The following XRCC2 variants were observed in gnomAD, a reference collection of about 807,000 sequenced individuals.
XRCC2 encodes the protein DNA repair protein XRCC2.
A neutral mutation model predicts 27.3 loss-of-function variants in XRCC2; 24 were observed. That is an observed-to-expected ratio of 0.88 (90% CI 0.64 to 1.24). XRCC2 has a LOEUF of 1.24. Ranked by LOEUF, XRCC2 falls within the 50% of genes most tolerant of loss-of-function variation. The pLI, the probability that XRCC2 is intolerant of heterozygous loss-of-function variation, is 0.00. For missense variants in XRCC2, 321 were observed against 325.8 expected, an observed-to-expected ratio of 0.99 and a Z score of 0.11; for synonymous variants, 106 against 115.4, an observed-to-expected ratio of 0.92 and a Z score of 0.52.
chr7:152,672,139 GT>G (rs1259221708), intron 1 of XRCC2, among the ~76,000 whole-genome samples: 5 of 152,192 alleles, frequency 3.3e-5, no homozygotes, highest in Non-Finnish European at 7.3e-5. Flanking sequence ...TAGACAGTTG[GT>G]TTTCACCATG....
chr7:152,674,725 T>TATATTTATATATAATATATTTTTAAAA (rs2098039806), intron 1 of XRCC2, among the ~76,000 whole-genome samples: 1 of 96,902 alleles, frequency 1.0e-5, no homozygotes, highest in African/African-American at 5.1e-5. Flanking sequence ...TATTTTTAAA[T>TATATTTATATATAATATATTTTTAAAA]ATATATTATA....
At chr7:152,662,468 A>C (rs539958131) in intron 1 of XRCC2, among the ~76,000 whole-genome samples, 1 of 151,766 alleles carries the variant, frequency 6.6e-6, no homozygotes, top group South Asian at 2.1e-4. Flanking sequence ...ACTGATTCTC[A>C]AGTTTCTTGG....
intron 1 of XRCC2, among the ~76,000 whole-genome samples, chr7:152,663,255 C>A (rs928475773): frequency 6.9e-6 from 1 of 144,620 alleles, no homozygotes; most frequent in African/African-American, 2.5e-5. Context: ...GTAATCAAGG[C>A]AGTGGTGTGG....
rs1284169525 is a variant in XRCC2 at position 152,646,633 on chromosome 7, T to C, written c.*2009A>G. The C allele has an allele frequency of 1.3e-5, 2 of 152,118 alleles. No individual in the cohort carries two copies. The highest frequency in any genetic ancestry group is 3.9e-4 in the East Asian group (2 of 5,194). The allele number at this position is 152,118 out of a possible 1,614,324, so 9.4% of individuals were successfully genotyped here. The stretch of plus-strand genomic sequence containing the variant: ...CTGGCACTACAGGCACGCACCACCA[T>C]GCCCAGCTAATTTTTTGTATTTTAA... On this transcript the variant is annotated 3_prime_UTR_variant, in exon 3 of 3. Coordinates refer to ENST00000359321, the MANE Select transcript of XRCC2 (RefSeq NM_005431.2).
chr7:152,654,463 T>G (rs2116993360), intron 2 of XRCC2, among the ~76,000 whole-genome samples: 1 of 151,792 alleles, frequency 6.6e-6, no homozygotes, highest in South Asian at 2.1e-4. Flanking sequence ...TTCAAGAAAA[T>G]GAAACTACTA....
chr7:152,651,563 A>G lies in XRCC2; in HGVS notation c.122-2200T>C, dbSNP rs564222953. The stretch of plus-strand genomic sequence containing the variant: ...GCCAAGACTGCACCAAATTTCCACC[A>G]TAATCTTACATACAACTTGCAATTC... On this transcript the variant is annotated intron_variant, in intron 2 of 2. Transcript: ENST00000359321. Among the ~76,000 whole-genome samples the G allele has an allele frequency of 3.3e-5, 5 of 152,290 alleles. No homozygotes were observed. The East Asian group carries it at 9.7e-4, about 29-fold the overall frequency.
At chr7:152,651,084 C>A (rs1056385125) in intron 2 of XRCC2, among the ~76,000 whole-genome samples, 12 of 151,652 alleles carry the variant, frequency 7.9e-5, no homozygotes, top group Non-Finnish European at 1.6e-4. Flanking sequence ...GGATTACAGG[C>A]GTGCGCTACC....
At chr7:152,673,981 T>C (rs753917169) in intron 1 of XRCC2, among the ~76,000 whole-genome samples, 20 of 152,204 alleles carry the variant, frequency 1.3e-4, no homozygotes, top group Non-Finnish European at 2.4e-4. Context: ...TCAAAGTAGA[T>C]GAATGTGCAA....
intron 2 of XRCC2, 144 bp from the exon 3 acceptor site, chr7:152,649,507 C>T: frequency 1.0e-6 from 1 of 996,334 alleles, no homozygotes; most frequent in Non-Finnish European, 1.4e-6. Context: ...TGGAGCTGTA[C>T]AAGCAAATAC....
At chr7:152,650,861 G>A (rs953115026) in intron 2 of XRCC2, among the ~76,000 whole-genome samples, 2 of 152,110 alleles carry the variant, frequency 1.3e-5, no homozygotes, top group African/African-American at 4.8e-5. Flanking sequence ...ACTCCAGCCT[G>A]GGCGACAAGA....
intron 2 of XRCC2, among the ~76,000 whole-genome samples, chr7:152,659,144 T>G (rs948856772): frequency 3.5e-5 from 5 of 141,888 alleles, no homozygotes; most frequent in Admixed American, 1.4e-4. Context: ...CTATTTCCTG[T>G]TTTTTTTTTG....
chr7:152,674,757 A>G (rs866509371), intron 1 of XRCC2, among the ~76,000 whole-genome samples: 3 of 120,772 alleles, frequency 2.5e-5, no homozygotes, highest in African/African-American at 3.0e-5. Flanking sequence ...TTTTAAATAT[A>G]TATTATATAT....
intron 1 of XRCC2, among the ~76,000 whole-genome samples, chr7:152,672,021 A>G (rs917024415): frequency 2.6e-5 from 4 of 152,244 alleles, no homozygotes; most frequent in African/African-American, 4.8e-5. Flanking sequence ...AGCCTGGGTG[A>G]CAGAGTGAGA....
Position 152,676,051 on chromosome 7 carries a change from G to A in XRCC2, c.29C>T (p.Ser10Phe), listed in dbSNP as rs2098040936. The A allele has an allele frequency of 6.2e-7, 1 of 1,613,816 alleles. No homozygotes were observed. Among genetic ancestry groups the A allele is most frequent in the South Asian group, 1.1e-5 (1 of 91,086 alleles). The change falls in exon 1 of 3, where the codon TCT (serine) becomes TTT (phenylalanine). Residue 10 changes from serine to phenylalanine, a missense_variant. By Grantham distance (155) the Ser-to-Phe change is radical. Coordinates refer to ENST00000359321, the MANE Select transcript of XRCC2 (RefSeq NM_005431.2). MCSAFHRAESGTELLARLEG... is the reference protein window; with the variant it reads MCSAFHRAEFGTELLARLEG... ...CCCGGCGGCTCTCACCTCGGTCCCA[G>A]ACTCAGCCCTATGGAAGGCACTACA...
At position 152,651,026 on chromosome 7, in the gene XRCC2, G is replaced by A. The variant is rs550702308; in HGVS notation, c.122-1663C>T. Among the ~76,000 whole-genome samples the A allele has an allele frequency of 1.1e-4, 16 of 151,892 alleles. No homozygotes were observed. The South Asian group carries it at 3.3e-3, about 31-fold the overall frequency. ...TCAATCTTGGCTTACTGCAACTTTC[G>A]CCTCCTGGGTTCAAGCAATTCTCCT... On this transcript the variant is annotated intron_variant, in intron 2 of 2. Transcript: ENST00000359321.
At chr7:152,655,783 G>C (rs2098030467) in intron 2 of XRCC2, among the ~76,000 whole-genome samples, 1 of 152,132 alleles carries the variant, frequency 6.6e-6, no homozygotes, top group African/African-American at 2.4e-5. Context: ...GGCTGACACA[G>C]GTGGATCACT....
chr7:152,669,382 CAA>C lies in XRCC2; in HGVS notation c.39+6657_39+6658del, dbSNP rs2098037261. Among the ~76,000 whole-genome samples, 7 of 152,228 alleles carry C rather than the reference CAA, an allele frequency of 4.6e-5. No homozygotes were observed. The South Asian group carries it at 1.5e-3, about 32-fold the overall frequency. On this transcript the variant is annotated intron_variant, in intron 1 of 2. Coordinates refer to ENST00000359321, the MANE Select transcript of XRCC2 (RefSeq NM_005431.2). ...ATTGCTGGAGCAAGCATTTAGTCTG[CAA>C]AAGAGATAATGCTCAATTATACAGA...
chr7:152,657,579 C>A (rs541554603), intron 2 of XRCC2, among the ~76,000 whole-genome samples: 1 of 152,110 alleles, frequency 6.6e-6, no homozygotes, highest in Non-Finnish European at 1.5e-5. Flanking sequence ...TGTGAGCCAC[C>A]GCACCTGGCC....
intron 1 of XRCC2, among the ~76,000 whole-genome samples, chr7:152,671,901 C>A (rs552127081): frequency 6.6e-6 from 1 of 151,944 alleles, no homozygotes; most frequent in African/African-American, 2.4e-5. Context: ...ATTAGCCAGG[C>A]GTAGTGGTGT....
Sources: allele counts gnomAD v4.1 joint callset (sites outside exome capture counted in the v4.1 genomes callset), GRCh38; gene constraint gnomAD v4.1.1; transcripts MANE v1.5; gene names NCBI Gene and HGNC (gene_info 2026-07-23, HGNC 2026-07-21).